DDX60: variants seen among roughly 807,000 people sequenced by gnomAD.
DDX60 encodes probable ATP-dependent RNA helicase DDX60.
DDX60 carries 165 observed loss-of-function variants against 212.8 expected under a neutral mutation model. The observed-to-expected ratio is 0.78, with a 90% CI of 0.68 to 0.88. DDX60 has a LOEUF of 0.88. Ranked by LOEUF, DDX60 falls within the 40% of genes least tolerant of loss-of-function variation. The pLI, the probability that DDX60 is intolerant of heterozygous loss-of-function variation, is 0.00. For synonymous variants in DDX60, 703 were observed against 685.3 expected (o/e 1.03, Z -0.40); for missense variants, 1,905 against 2,003.9 (o/e 0.95, Z 0.94).
At chr4:168,254,841 G>A (rs778541760) in intron 26 of DDX60, among the ~76,000 whole-genome samples, 25 of 152,198 alleles carry the variant, frequency 1.6e-4, no homozygotes, top group Non-Finnish European at 2.6e-4. Context: ...AGTAAGTCAT[G>A]TGAGGAGAAT....
intron 37 of DDX60, among the ~76,000 whole-genome samples, chr4:168,217,250 A>T (rs1489562764): frequency 6.6e-6 from 1 of 152,200 alleles, no homozygotes; most frequent in African/African-American, 2.4e-5. Flanking sequence ...ATTCTTCTCC[A>T]TGACTATTAC....
intron 6 of DDX60, among the ~76,000 whole-genome samples, chr4:168,301,375 G>A (rs1579074389): frequency 6.6e-6 from 1 of 151,954 alleles, no homozygotes; most frequent in Non-Finnish European, 1.5e-5. Flanking sequence ...TTCAGGGGTG[G>A]GGCAGGGAAA....
At chr4:168,273,810 C>A in intron 17 of DDX60, 124 bp downstream of exon 17, 1 of 1,096,792 alleles carries the variant, frequency 9.1e-7, no homozygotes, top group Non-Finnish European at 1.3e-6. Context: ...TAGCTTCAGA[C>A]ACTGAAACAA....
intron 6 of DDX60, among the ~76,000 whole-genome samples, chr4:168,299,146 C>T (rs1398753993): frequency 4.9e-5 from 5 of 101,258 alleles, no homozygotes; most frequent in African/African-American, 2.2e-4. Context: ...GGCGACAGAG[C>T]GAGACTGTCT....
intron 30 of DDX60, among the ~76,000 whole-genome samples, chr4:168,238,249 A>C (rs1473744083): frequency 1.3e-5 from 2 of 150,582 alleles, no homozygotes; most frequent in Non-Finnish European, 3.0e-5. Context: ...AAAAAAAAAA[A>C]AAAAAAAAAA....
chr4:168,305,244 A>T (rs1428630519), intron 5 of DDX60, among the ~76,000 whole-genome samples: 1 of 152,226 alleles, frequency 6.6e-6, no homozygotes, highest in Admixed American at 6.5e-5. Context: ...CAACAGTGAA[A>T]TCGTCTAATG....
chr4:168,222,388 A>G (rs1733092432), intron 35 of DDX60, among the ~76,000 whole-genome samples: 1 of 152,134 alleles, frequency 6.6e-6, no homozygotes, highest in South Asian at 2.1e-4. Context: ...CATTTTTTGC[A>G]AACTGTACTG....
chr4:168,221,905 A>C (rs1403730419), intron 35 of DDX60, 24 bp from the exon 36 acceptor site: 1 of 1,596,536 alleles, frequency 6.3e-7, no homozygotes. Context: ...ATTATTCTTA[A>C]TGTATTATTT....
At chr4:168,286,779 T>C (rs1735880784) in intron 10 of DDX60, among the ~76,000 whole-genome samples, 1 of 152,162 alleles carries the variant, frequency 6.6e-6, no homozygotes, top group Non-Finnish European at 1.5e-5. Flanking sequence ...TGTGGACCTA[T>C]AACTGCCATA....
intron 33 of DDX60, among the ~76,000 whole-genome samples, chr4:168,229,071 C>T (rs946808348): frequency 2.0e-5 from 3 of 152,034 alleles, no homozygotes; most frequent in Non-Finnish European, 4.4e-5. Flanking sequence ...CATGTGGAGA[C>T]TCACACCATG....
chr4:168,230,380 C>T (rs748023298), intron 33 of DDX60, among the ~76,000 whole-genome samples: 3 of 152,076 alleles, frequency 2.0e-5, no homozygotes, highest in Non-Finnish European at 4.4e-5. Flanking sequence ...CAGATATTTA[C>T]AGAACATTCT....
At chr4:168,250,638 G>A (rs1734186114) in intron 28 of DDX60, among the ~76,000 whole-genome samples, 1 of 149,468 alleles carries the variant, frequency 6.7e-6, no homozygotes. Flanking sequence ...CGATTCTTCT[G>A]CCTCAACTTC....
intron 26 of DDX60, 147 bp from the exon 27 acceptor site, chr4:168,252,803 T>A (rs529706705): frequency 6.1e-6 from 3 of 488,226 alleles, no homozygotes; most frequent in East Asian, 3.7e-5. Context: ...TATTATTTTA[T>A]TTTATTTTAT....
At chr4:168,219,700 C>T (rs1321224581) in intron 37 of DDX60, among the ~76,000 whole-genome samples, 1 of 152,172 alleles carries the variant, frequency 6.6e-6, no homozygotes, top group South Asian at 2.1e-4. Context: ...CGAAGCAACA[C>T]CTATAAAGTA....
chr4:168,275,974 A>T, intron 15 of DDX60, 41 bp downstream of exon 15: 1 of 1,528,050 alleles, frequency 6.5e-7, no homozygotes, highest in Non-Finnish European at 8.8e-7. Flanking sequence ...TGTATACCTA[A>T]TAATTACCCT....
chr4:168,267,866 T>G lies in DDX60; in HGVS notation c.2904A>C (p.Val968=), dbSNP rs1173523302. The part of the protein sequence containing the change: ...QAGFPKDYLQ[V]KQSYKVRLVL... ...CAAGTCTAACTTTATACGATTGTTTTACTTGCAAGTAGTCTTTGGGAAAGC... is the reference window on the plus strand; with the variant it reads ...CAAGTCTAACTTTATACGATTGTTTGACTTGCAAGTAGTCTTTGGGAAAGC... The change falls in exon 21 of 38, where the codon GTA becomes GTC. Residue 968 remains valine (V), a synonymous_variant. Coordinates refer to ENST00000393743, the MANE Select transcript of DDX60 (RefSeq NM_017631.6). 2 of 1,612,720 alleles carry G rather than the reference T, an allele frequency of 1.2e-6. No homozygotes were observed. Among genetic ancestry groups the G allele is most frequent in the African/African-American group, 1.3e-5 (1 of 75,022 alleles).
At chr4:168,268,455 C>T (rs1734944875) in intron 20 of DDX60, among the ~76,000 whole-genome samples, 1 of 152,014 alleles carries the variant, frequency 6.6e-6, no homozygotes. Flanking sequence ...GGGTTTTCAT[C>T]TAATAAGAAT....
intron 37 of DDX60, among the ~76,000 whole-genome samples, chr4:168,217,461 T>A (rs1732887682): frequency 6.6e-6 from 1 of 152,142 alleles, no homozygotes; most frequent in African/African-American, 2.4e-5. Flanking sequence ...TACCTAGATG[T>A]GTAAAAAGAT....
intron 30 of DDX60, among the ~76,000 whole-genome samples, chr4:168,242,883 T>C (rs1733898978): frequency 6.6e-6 from 1 of 152,144 alleles, no homozygotes. Context: ...AATCCCATCT[T>C]GAATTGTAAC....
Sources: allele counts gnomAD v4.1 joint callset (sites outside exome capture counted in the v4.1 genomes callset), GRCh38; gene constraint gnomAD v4.1.1; transcripts MANE v1.5; gene names NCBI Gene and HGNC (gene_info 2026-07-23, HGNC 2026-07-21).